The following XYLT1 variants were observed in gnomAD, a reference collection of about 807,000 sequenced individuals.
XYLT1 encodes xylosyltransferase 1.
Under a neutral mutation model 91.3 loss-of-function variants are expected in XYLT1, and 36 were observed. The ratio of observed to expected loss-of-function variants is 0.39; its 90% CI spans 0.30 to 0.52. The LOEUF (loss-of-function observed/expected upper bound fraction) is 0.52. Ranked by LOEUF, XYLT1 falls within the 20% of genes least tolerant of loss-of-function variation. The pLI, the probability that XYLT1 is intolerant of heterozygous loss-of-function variation, is 0.68. For missense variants in XYLT1, 1,242 were observed against 1,284.5 expected (o/e 0.97, Z 0.51); for synonymous variants, 588 against 532.0 (o/e 1.11, Z -1.45).
chr16:17,358,012 C>G lies in XYLT1; in HGVS notation c.402G>C (p.Gln134His). The change falls in exon 2 of 12, where the codon CAG (glutamine) becomes CAC (histidine). Residue 134 changes from glutamine to histidine, a missense_variant and splice_region_variant. Transcript: ENST00000261381. ...TGGCCAAGACAGGAAAGATACTTAC[C>G]TGAGTCTCCAGGGTGATGAGCGGAC... is the stretch of plus-strand genomic sequence containing the variant. The part of the protein sequence containing the change: ...HPSPLITLET[Q>H]DGYFSHRPKE... 6.2e-7 allele frequency: 1 copy of G among 1,613,768 alleles called. No individual in the cohort carries two copies.
In XYLT1 at chr16:17,195,486, G is replaced by A. The variant is rs184602164; in HGVS notation, c.1289+2726C>T. Among the ~76,000 whole-genome samples, 133 of 151,448 alleles carry A rather than the reference G, an allele frequency of 8.8e-4. 1 individual carries two copies. The highest frequency in any genetic ancestry group is 3.1e-3 in the African/African-American group (126 of 41,260). On this transcript the variant is annotated intron_variant, in intron 5 of 11. Transcript: ENST00000261381. ...TTTTGAGATAGAGTCTTGCTGTGTC[G>A]CCAGGCTGGAGTACAGTGGCGCGAT...
chr16:17,278,876 A>G (rs1469671323), intron 2 of XYLT1, among the ~76,000 whole-genome samples: 1 of 152,224 alleles, frequency 6.6e-6, no homozygotes, highest in Non-Finnish European at 1.5e-5. Flanking sequence ...ATCTATGCAC[A>G]GGGAAGATCC....
intron 1 of XYLT1, among the ~76,000 whole-genome samples, chr16:17,379,763 T>TCTTTCTCACACACACACACA (rs373354877): frequency 6.8e-4 from 86 of 125,622 alleles, no homozygotes; most frequent in African/African-American, 2.6e-3. Context: ...TCTCTCTCTC[T>TCTTTCTCACACACACACACA]CACACACACA....
rs1191434541 is a variant in XYLT1 at position 17,393,752 on chromosome 16, GAATT to G, written c.364-35706_364-35703del. Among the ~76,000 whole-genome samples, 494 of 150,940 alleles carry G rather than the reference GAATT, an allele frequency of 3.3e-3. 2 individuals are homozygous for G. Among genetic ancestry groups the G allele is most frequent in the African/African-American group, 0.011 (453 of 41,234 alleles). On this transcript the variant is annotated intron_variant, in intron 1 of 11. Transcript: ENST00000261381. ...AACATAGGGAGACCCCATCTCAAAA[GAATT>G]AATTAATTAATTATTATTATTATTA...
intron 5 of XYLT1, among the ~76,000 whole-genome samples, chr16:17,166,811 C>A (rs2031695649): frequency 6.6e-6 from 1 of 152,034 alleles, no homozygotes; most frequent in Non-Finnish European, 1.5e-5. Context: ...CTGTGCCTGG[C>A]CCATCATCCA....
In XYLT1 at chr16:17,138,066, G is replaced by GT. The variant is rs377333925; in HGVS notation, c.1764+288dup. 4.6e-3 allele frequency among the ~76,000 whole-genome samples: 703 copies of GT among 152,040 alleles called. 7 individuals carry two copies. Among genetic ancestry groups the GT allele is most frequent in the African/African-American group, 0.015 (623 of 41,488 alleles). On this transcript the variant is annotated intron_variant, in intron 8 of 11. Transcript: ENST00000261381. ...ATGATATGAGTATGGCCTTTGGAAA[G>GT]TTTTTTTTAACCTTTCTGTGCCTCA... is the stretch of plus-strand genomic sequence containing the variant.
At chr16:17,421,181 G>A (rs181114704) in intron 1 of XYLT1, among the ~76,000 whole-genome samples, 61 of 152,308 alleles carry the variant, frequency 4.0e-4, no homozygotes, top group Non-Finnish European at 7.4e-4. Context: ...GATCTTAGGA[G>A]AACATGCCTG....
At chr16:17,404,109 G>A (rs28456097) in intron 1 of XYLT1, among the ~76,000 whole-genome samples, 2 of 152,006 alleles carry the variant, frequency 1.3e-5, no homozygotes, top group Non-Finnish European at 2.9e-5. Context: ...TTGGGGGGGG[G>A]GCTCAGGGAG....
chr16:17,457,284 T>C (rs1349599369), intron 1 of XYLT1, among the ~76,000 whole-genome samples: 1 of 152,236 alleles, frequency 6.6e-6, no homozygotes, highest in Non-Finnish European at 1.5e-5. Flanking sequence ...AAGCTCTAGG[T>C]TTCCTTCTGG....
In XYLT1 at chr16:17,198,241, G is replaced by C. The variant is rs780618420; in HGVS notation, c.1260C>G (p.Ile420Met). The change falls in exon 5 of 12, where the codon ATC (isoleucine) becomes ATG (methionine). Residue 420 changes from isoleucine to methionine, a missense_variant. By Grantham distance (10) the Ile-to-Met change is conservative. Transcript: ENST00000261381. The part of the protein sequence containing the change: ...EMTDWPWDFF[I>M]NLSAADYPIR... ...TGGGGTAGTCGGCCGCACTCAGGTT[G>C]ATGAAGAAGTCCCAGGGCCAGTCGG... 6.2e-7 allele frequency: 1 copy of C among 1,614,206 alleles called. No individual in the cohort carries two copies. Among genetic ancestry groups the C allele is most frequent in the Non-Finnish European group, 8.5e-7 (1 of 1,180,032 alleles).
rs1271859165 is a variant in XYLT1, at chr16:17,108,275, C to G, written c.*420G>C. On this transcript the variant is annotated 3_prime_UTR_variant, in exon 12 of 12. Transcript: ENST00000261381. Reference sequence around the variant, plus strand: ...CTGAGCTTTGGGAGGGAACCTCGCACTTGTCAGCTTCAACCAGAGCAGCTT... The same window carrying G: ...CTGAGCTTTGGGAGGGAACCTCGCAGTTGTCAGCTTCAACCAGAGCAGCTT... 1 of 160,868 alleles carries G rather than the reference C, an allele frequency of 6.2e-6. No individual in the cohort carries two copies. Among genetic ancestry groups the G allele is most frequent in the Non-Finnish European group, 1.4e-5 (1 of 73,926 alleles). 10.0% of individuals were successfully genotyped at this position (160,868 alleles called of 1,614,324 possible). A position where few individuals can be genotyped will look rare whatever the true frequency, so the allele number is the denominator to read the frequency against.
At chr16:17,297,630 G>C (rs1191965210) in intron 2 of XYLT1, among the ~76,000 whole-genome samples, 1 of 152,146 alleles carries the variant, frequency 6.6e-6, no homozygotes, top group Non-Finnish European at 1.5e-5. Context: ...GGCTGAGGTG[G>C]GAGGATCACT....
At chr16:17,400,047 C>T (rs1433100659) in intron 1 of XYLT1, among the ~76,000 whole-genome samples, 2 of 152,228 alleles carry the variant, frequency 1.3e-5, no homozygotes, top group African/African-American at 4.8e-5. Context: ...CTGGCCCTCA[C>T]CAGGCTTCTC....
intron 10 of XYLT1, among the ~76,000 whole-genome samples, chr16:17,125,482 T>A (rs2030227586): frequency 6.6e-6 from 1 of 152,080 alleles, no homozygotes; most frequent in Non-Finnish European, 1.5e-5. Context: ...AGTACATTGG[T>A]CTCCCTGCAA....
intron 2 of XYLT1, among the ~76,000 whole-genome samples, chr16:17,279,806 A>T (rs574311782): frequency 9.2e-5 from 14 of 152,320 alleles, no homozygotes; most frequent in African/African-American, 3.4e-4. Flanking sequence ...AGCAGCAGTT[A>T]GGGGACAACA....
chr16:17,321,342 C>CTTTTTTTTTTTTTTTTTTTTTTTTTTTTT (rs10606202), intron 2 of XYLT1, among the ~76,000 whole-genome samples: 5 of 43,624 alleles, frequency 1.1e-4, no homozygotes, highest in African/African-American at 1.6e-4. Context: ...ACTAACTAGC[C>CTTTTTTTTTTTTTTTTTTTTTTTTTTTTT]TTTTTTTTTT....
intron 2 of XYLT1, among the ~76,000 whole-genome samples, chr16:17,295,683 A>G (rs1249335457): frequency 6.6e-6 from 1 of 152,226 alleles, no homozygotes; most frequent in Non-Finnish European, 1.5e-5. Context: ...AACTGGGTCA[A>G]CTTGACCCAC....
In XYLT1 at chr16:17,144,054, G is replaced by A. The variant is rs143772542; in HGVS notation, c.1371-2685C>T. Among the ~76,000 whole-genome samples the A allele has an allele frequency of 1.2e-4, 19 of 152,258 alleles. No individual in the cohort carries two copies. The East Asian group carries it at 2.3e-3, about 19-fold the overall frequency. On this transcript the variant is annotated intron_variant, in intron 6 of 11. Transcript: ENST00000261381. The stretch of plus-strand genomic sequence containing the variant: ...AATTCTCATGAAAACCCCAGAGACA[G>A]TACTTTTATTAACCCATATTTACAG...
At chr16:17,307,988 C>G (rs1331120353) in intron 2 of XYLT1, among the ~76,000 whole-genome samples, 4 of 152,162 alleles carry the variant, frequency 2.6e-5, no homozygotes, top group African/African-American at 7.2e-5. Flanking sequence ...CTATGGACTG[C>G]AGATCCATTC....
Sources: gnomAD v4.1 joint callset for allele counts (sites outside exome capture counted in the v4.1 genomes callset) on GRCh38, gnomAD v4.1.1 for gene constraint, MANE v1.5 for transcripts, NCBI Gene and HGNC (gene_info 2026-07-23, HGNC 2026-07-21) for gene names.